The following GPR141 variants were observed in gnomAD, a reference collection of about 807,000 sequenced individuals.
GPR141 encodes the protein probable G protein-coupled receptor 141.
A neutral mutation model predicts 6.8 loss-of-function variants in GPR141; 6 were observed. That is an observed-to-expected ratio of 0.88 (90% CI 0.48 to 1.74). GPR141 has a LOEUF of 1.74. Among genes scored for constraint, GPR141 ranks in the 40% most tolerant of loss-of-function variants. The pLI, the probability that GPR141 is intolerant of heterozygous loss-of-function variation, is 0.01. For missense variants in GPR141, 372 were observed against 372.9 expected (o/e 1.00, Z 0.02); for synonymous variants, 140 against 142.3 (o/e 0.98, Z 0.11).
Position 37,742,167 on chromosome 7 carries a change from C to CCA in GPR141, c.*859_*860dup, listed in dbSNP as rs1406578853. Among the ~76,000 whole-genome samples, 1 of 151,878 alleles carries CCA rather than the reference C, an allele frequency of 6.6e-6. No homozygotes were observed. The highest frequency in any genetic ancestry group is 1.9e-4 in the East Asian group (1 of 5,204). ...TGAGAGAATTTCTAGATGTCCTGGG[C>CCA]CACAGTTAATTAAGATTTTTAGGGG... is the stretch of plus-strand genomic sequence containing the variant. On this transcript the variant is annotated 3_prime_UTR_variant, in exon 3 of 3. Transcript: ENST00000334425.
chr7:37,741,611 G>A lies in GPR141; in HGVS notation c.*300G>A, dbSNP rs1439893103. 6.6e-6 allele frequency among the ~76,000 whole-genome samples: 1 copy of A among 152,166 alleles called. No individual in the cohort carries two copies. The highest frequency in any genetic ancestry group is 2.4e-5 in the African/African-American group (1 of 41,434). ...CAACATAGGTTTTAAGAGTTTTAGA[G>A]TTTCATTAGCTCATTCTAAGTTCCT... is the stretch of plus-strand genomic sequence containing the variant. On this transcript the variant is annotated 3_prime_UTR_variant, in exon 3 of 3. Transcript: ENST00000334425.
Position 37,740,690 on chromosome 7 carries a change from G to T in GPR141, c.297G>T (p.Met99Ile). 1 of 1,614,142 alleles carries T rather than the reference G, an allele frequency of 6.2e-7. No individual in the cohort carries two copies. Among genetic ancestry groups the T allele is most frequent in the East Asian group, 2.2e-5 (1 of 44,892 alleles). The change falls in exon 3 of 3, where the codon ATG becomes ATT. Residue 99 changes from methionine to isoleucine, a missense_variant. By Grantham distance (10) the Met-to-Ile change is conservative. Transcript: ENST00000334425. ...TGAGTGCCATGCTGCACATCCACAT[G>T]TACCTCACGTTCCTATTCTATGTGG... ...KFVSAMLHIH[M>I]YLTFLFYVVI...
At position 37,740,593 on chromosome 7, in the gene GPR141, T is replaced by C; in HGVS notation, c.200T>C (p.Leu67Pro). ...GTGGTGGTCCACAGCGTTTTTCTGC[T>C]GACAGTGCCATTTCGCTTGACCTAC... ...NLVVVHSVFL[L>P]TVPFRLTYLI... Residue 67 changes from leucine (L) to proline (P), a missense_variant, in exon 3 of 3, where the codon CTG (leucine) becomes CCG (proline). Leu to Pro is a moderately conservative substitution (Grantham distance 98, BLOSUM62 -3). Coordinates refer to ENST00000334425, the MANE Select transcript of GPR141 (RefSeq NM_001381946.1). 6.2e-7 allele frequency: 1 copy of C among 1,614,114 alleles called. No homozygotes were observed. Among genetic ancestry groups the C allele is most frequent in the Non-Finnish European group, 8.5e-7 (1 of 1,179,992 alleles).
At chr7:37,724,141 C>A (rs762872116) in intron 2 of GPR141, among the ~76,000 whole-genome samples, 1 of 152,112 alleles carries the variant, frequency 6.6e-6, no homozygotes, top group Non-Finnish European at 1.5e-5. Context: ...TGCATCCTCA[C>A]CTTTAGAGAG....
Position 37,740,952 on chromosome 7 carries a change from A to T in GPR141, c.559A>T (p.Ile187Phe), listed in dbSNP as rs1459085690. 18 of 1,614,010 alleles carry T rather than the reference A, an allele frequency of 1.1e-5. No individual in the cohort carries two copies. The highest frequency in any genetic ancestry group is 1.4e-5 in the Non-Finnish European group (17 of 1,179,924). The change falls in exon 3 of 3, where the codon ATT becomes TTT. Residue 187 changes from isoleucine (I) to phenylalanine (F), a missense_variant. By Grantham distance (21) the Ile-to-Phe change is conservative. Coordinates refer to ENST00000334425, the MANE Select transcript of GPR141 (RefSeq NM_001381946.1). ...YVKIINYMIV[I>F]FVIAVAVILL... ...GAAAATCATCAACTATATGATAGTC[A>T]TTTTTGTCATAGCCGTTGCTGTGAT... is the stretch of plus-strand genomic sequence containing the variant.
chr7:37,720,109 G>A (rs1811246170), intron 2 of GPR141, among the ~76,000 whole-genome samples: 1 of 152,108 alleles, frequency 6.6e-6, no homozygotes, highest in African/African-American at 2.4e-5. Context: ...CCAGGGTGTC[G>A]GGAGATTGAT....
chr7:37,732,704 A>G (rs1031511998), intron 2 of GPR141, among the ~76,000 whole-genome samples: 1 of 152,232 alleles, frequency 6.6e-6, no homozygotes, highest in Non-Finnish European at 1.5e-5. Context: ...TAATGAGCAG[A>G]TAAACAGCAC....
chr7:37,728,553 G>T (rs569481736), intron 2 of GPR141, among the ~76,000 whole-genome samples: 2 of 152,130 alleles, frequency 1.3e-5, no homozygotes, highest in South Asian at 4.2e-4. Flanking sequence ...CTCTACCATA[G>T]GTTTCTTATA....
At chr7:37,700,744 C>A (rs1438414072) in intron 2 of GPR141, among the ~76,000 whole-genome samples, 2 of 152,150 alleles carry the variant, frequency 1.3e-5, no homozygotes, top group African/African-American at 2.4e-5. Flanking sequence ...ATACCATATA[C>A]CCAGCTCCTA....
chr7:37,727,936 A>G (rs1184986530), intron 2 of GPR141, among the ~76,000 whole-genome samples: 1 of 152,230 alleles, frequency 6.6e-6, no homozygotes, highest in African/African-American at 2.4e-5. Context: ...CCTCATGTAC[A>G]GATTCTCACC....
At chr7:37,736,540 TAAAA>T (rs148963777) in intron 2 of GPR141, among the ~76,000 whole-genome samples, 2,021 of 147,336 alleles carry the variant, frequency 0.014, 43 homozygotes, top group African/African-American at 0.047. Flanking sequence ...AAATCTTTCT[TAAAA>T]AGAAAGAAAG....
At chr7:37,730,784 T>C (rs533698981) in intron 2 of GPR141, among the ~76,000 whole-genome samples, 10 of 152,364 alleles carry the variant, frequency 6.6e-5, no homozygotes, top group South Asian at 2.1e-4. Flanking sequence ...CTGTTCTAAA[T>C]AGCAAGCTAA....
At chr7:37,732,322 C>T (rs1428403035) in intron 2 of GPR141, among the ~76,000 whole-genome samples, 1 of 147,002 alleles carries the variant, frequency 6.8e-6, no homozygotes, top group Non-Finnish European at 1.5e-5. Context: ...CAACCTATTA[C>T]CTAGGCTAGA....
At chr7:37,713,790 A>G (rs1201793363) in intron 2 of GPR141, among the ~76,000 whole-genome samples, 3 of 152,212 alleles carry the variant, frequency 2.0e-5, no homozygotes, top group Non-Finnish European at 4.4e-5. Flanking sequence ...GTGTAATTTT[A>G]GTTGCCACAT....
At chr7:37,731,680 C>T (rs1811945850) in intron 2 of GPR141, among the ~76,000 whole-genome samples, 1 of 152,214 alleles carries the variant, frequency 6.6e-6, no homozygotes, top group African/African-American at 2.4e-5. Context: ...TCTCAATCTC[C>T]TGACCTCGTG....
chr7:37,723,996 G>T (rs893897883), intron 2 of GPR141, among the ~76,000 whole-genome samples: 1 of 152,230 alleles, frequency 6.6e-6, no homozygotes, highest in Non-Finnish European at 1.5e-5. Context: ...AGAACTCACT[G>T]ACAGTTCCTT....
At chr7:37,735,654 A>T (rs1812196014) in intron 2 of GPR141, among the ~76,000 whole-genome samples, 2 of 152,224 alleles carry the variant, frequency 1.3e-5, no homozygotes, top group South Asian at 4.1e-4. Context: ...TAAGAAAAAT[A>T]TACAGAATTT....
chr7:37,691,382 C>T (rs1483032501), intron 2 of GPR141, among the ~76,000 whole-genome samples: 1 of 149,440 alleles, frequency 6.7e-6, no homozygotes, highest in African/African-American at 2.5e-5. Flanking sequence ...GCAACCTCTG[C>T]CTCCCGGGTT....
chr7:37,737,454 C>T (rs1235858603), intron 2 of GPR141, among the ~76,000 whole-genome samples: 1 of 152,158 alleles, frequency 6.6e-6, no homozygotes, highest in Non-Finnish European at 1.5e-5. Flanking sequence ...ATACTACTGT[C>T]TTGTCAAATG....
Sources: allele counts gnomAD v4.1 joint callset (sites outside exome capture counted in the v4.1 genomes callset), GRCh38; gene constraint gnomAD v4.1.1; transcripts MANE v1.5; gene names NCBI Gene and HGNC (gene_info 2026-07-23, HGNC 2026-07-21).